The following IRGM variants were observed in gnomAD, a reference collection of about 807,000 sequenced individuals.
The protein encoded by IRGM is immunity related GTPase M, also known as immunity-related GTPase family M protein.
For synonymous variants in IRGM, 98 were observed against 80.6 expected (o/e 1.22, Z -1.16); for missense variants, 288 against 219.9 (o/e 1.31, Z -1.96).
At chr5:150,855,757 A>G (rs1021171867) in intron 1 of IRGM, among the ~76,000 whole-genome samples, 10 of 152,234 alleles carry the variant, frequency 6.6e-5, no homozygotes, top group African/African-American at 1.2e-4. Flanking sequence ...AATGAGAAAC[A>G]GTGAAATATA....
intron 1 of IRGM, chr5:150,877,925 T>C (rs989975331): frequency 2.3e-6 from 1 of 440,626 alleles, no homozygotes; most frequent in African/African-American, 2.0e-5. Context: ...ACTTTTTTGT[T>C]TGCATGTTTA....
chr5:150,877,291 A>G (rs10463240), intron 1 of IRGM, among the ~76,000 whole-genome samples: 2 of 151,992 alleles, frequency 1.3e-5, no homozygotes, highest in Non-Finnish European at 1.5e-5. Context: ...GCAGACCCAC[A>G]CTCAATCTGG....
chr5:150,884,223 CTTTATA>C (rs1292485018), intron 3 of IRGM, among the ~76,000 whole-genome samples: 3 of 151,870 alleles, frequency 2.0e-5, no homozygotes, highest in Admixed American at 6.6e-5. Context: ...ATACTTTATA[CTTTATA>C]TTTATACTTT....
At chr5:150,871,644 A>G (rs1754282832) in intron 1 of IRGM, among the ~76,000 whole-genome samples, 1 of 152,242 alleles carries the variant, frequency 6.6e-6, no homozygotes, top group Non-Finnish European at 1.5e-5. Flanking sequence ...GAGTGTGAAC[A>G]GATAAGTTCA....
intron 1 of IRGM, among the ~76,000 whole-genome samples, chr5:150,859,178 A>G (rs1754100719): frequency 6.6e-6 from 1 of 152,162 alleles, no homozygotes; most frequent in African/African-American, 2.4e-5. Flanking sequence ...GCATCTATTG[A>G]GATAATGATG....
intron 3 of IRGM, chr5:150,898,048 G>T: frequency 6.2e-7 from 1 of 1,604,600 alleles, no homozygotes; most frequent in Non-Finnish European, 8.5e-7. Flanking sequence ...AACATAAATT[G>T]ATATTTCACT....
chr5:150,896,945 CT>C (rs1425290930), intron 3 of IRGM: 1 of 1,612,058 alleles, frequency 6.2e-7, no homozygotes, highest in African/African-American at 1.3e-5. Context: ...AAATACATGA[CT>C]GGGAGTTGTG....
Position 150,847,895 on chromosome 5 carries a change from A to G in IRGM, c.-229A>G. 2.0e-6 allele frequency: 1 copy of G among 504,884 alleles called. No homozygotes were observed. Among genetic ancestry groups the G allele is most frequent in the South Asian group, 2.3e-5 (1 of 42,662 alleles). 31.3% of individuals were successfully genotyped at this position (504,884 alleles called of 1,614,324 possible). ...TCAGCTCACTGCAATATCTGCGTCC[A>G]GGGTTCAAGCGATTCCCCTGCCTCA... On this transcript the variant is annotated 5_prime_UTR_variant, in exon 2 of 2. Transcript: ENST00000522154.
chr5:150,857,958 TG>T (rs1253359112), intron 1 of IRGM, among the ~76,000 whole-genome samples: 1 of 152,040 alleles, frequency 6.6e-6, no homozygotes, highest in Non-Finnish European at 1.5e-5. Flanking sequence ...TTTTGGCTTT[TG>T]TTGCCATTGC....
At chr5:150,875,004 T>A (rs1581648149) in intron 1 of IRGM, among the ~76,000 whole-genome samples, 1 of 152,154 alleles carries the variant, frequency 6.6e-6, no homozygotes, top group African/African-American at 2.4e-5. Flanking sequence ...CAGCATTCCA[T>A]CATCAAATGG....
At chr5:150,881,077 A>G (rs567476054) in intron 3 of IRGM, among the ~76,000 whole-genome samples, 39 of 152,182 alleles carry the variant, frequency 2.6e-4, no homozygotes, top group African/African-American at 9.4e-4. Flanking sequence ...CAGTGAGCCA[A>G]GATCATGCCA....
chr5:150,870,027 ATCCAAGCCTATATC>A (rs1754260433), intron 1 of IRGM, among the ~76,000 whole-genome samples: 1 of 152,168 alleles, frequency 6.6e-6, no homozygotes, highest in Non-Finnish European at 1.5e-5. Context: ...GACATGGAGG[ATCCAAGCCTATATC>A]TCCAAGGAGG....
At chr5:150,891,064 A>G (rs933421384) in intron 3 of IRGM, among the ~76,000 whole-genome samples, 6 of 151,932 alleles carry the variant, frequency 3.9e-5, no homozygotes, top group Admixed American at 2.6e-4. Context: ...GGATTTGTCT[A>G]TTTTTCCTTT....
Position 150,848,577 on chromosome 5 carries a change from C to CT in IRGM, c.455dup (p.Ser153GlnfsTer28). 1 of 1,551,756 alleles carries CT rather than the reference C, an allele frequency of 6.4e-7. No individual in the cohort carries two copies. The highest frequency in any genetic ancestry group is 8.7e-7 in the Non-Finnish European group (1 of 1,146,894). ...TGTCTGGACCAAGCTAGACATGGACCTCAGCACAGGTGCCCTCCCAGAAGT... is the reference window on the plus strand; with the variant it reads ...TGTCTGGACCAAGCTAGACATGGACCTTCAGCACAGGTGCCCTCCCAGAAGT... On this transcript the variant is annotated frameshift_variant, in exon 2 of 2. Transcript: ENST00000522154. LOFTEE classifies it low-confidence loss of function (END_TRUNC).
In IRGM at chr5:150,846,594, G is replaced by T; in HGVS notation, c.-1042G>T. On this transcript the variant is annotated 5_prime_UTR_variant, in exon 1 of 2. Transcript: ENST00000522154. Reference sequence around the variant, plus strand: ...GCACTTTGCAGTAAATCTTGCTGCTGCTCATTCTTTGGGTCCACACTGCCT... The same window carrying T: ...GCACTTTGCAGTAAATCTTGCTGCTTCTCATTCTTTGGGTCCACACTGCCT... 1 of 140,484 alleles carries T rather than the reference G, an allele frequency of 7.1e-6. No homozygotes were observed. 8.7% of individuals were successfully genotyped at this position (140,484 alleles called of 1,614,324 possible). A position where few individuals can be genotyped will look rare whatever the true frequency, so the allele number is the denominator to read the frequency against.
At chr5:150,867,631 T>C (rs891145000) in intron 1 of IRGM, among the ~76,000 whole-genome samples, 1 of 148,104 alleles carries the variant, frequency 6.8e-6, no homozygotes, top group African/African-American at 2.5e-5. Flanking sequence ...ACAACATCCA[T>C]GCCAACATCT....
intron 3 of IRGM, among the ~76,000 whole-genome samples, chr5:150,888,084 AAAAG>A (rs1482639324): frequency 6.6e-6 from 1 of 152,002 alleles, no homozygotes; most frequent in Non-Finnish European, 1.5e-5. Context: ...AGTCTCAAAA[AAAAG>A]GGATGGAGGG....
chr5:150,847,767 G>C lies in IRGM; in HGVS notation c.-357G>C. 1 of 242,662 alleles carries C rather than the reference G, an allele frequency of 4.1e-6. No homozygotes were observed. The highest frequency in any genetic ancestry group is 8.1e-6 in the Non-Finnish European group (1 of 123,188). 15.0% of individuals were successfully genotyped at this position (242,662 alleles called of 1,614,324 possible). A position where few individuals can be genotyped will look rare whatever the true frequency, so the allele number is the denominator to read the frequency against. ...CCCAAGTGCCCCTCACACTCTATTAGCTGCATCCTTAACCTCTTTTTGCCA... is the reference window on the plus strand; with the variant it reads ...CCCAAGTGCCCCTCACACTCTATTACCTGCATCCTTAACCTCTTTTTGCCA... On this transcript the variant is annotated 5_prime_UTR_variant, in exon 2 of 2. Coordinates refer to ENST00000522154, the MANE Select transcript of IRGM (RefSeq NM_001145805.2).
At chr5:150,861,261 C>T (rs540848672) in intron 1 of IRGM, among the ~76,000 whole-genome samples, 21 of 152,272 alleles carry the variant, frequency 1.4e-4, no homozygotes, top group African/African-American at 3.9e-4. Context: ...TGTACTCCCT[C>T]ATGTAGCCTC....
Sources: allele counts gnomAD v4.1 joint callset (sites outside exome capture counted in the v4.1 genomes callset), GRCh38; gene constraint gnomAD v4.1.1; transcripts MANE v1.5; gene names NCBI Gene and HGNC (gene_info 2026-07-23, HGNC 2026-07-21).